ALDH1L1: variants seen among roughly 807,000 people sequenced by gnomAD.
ALDH1L1 encodes cytosolic 10-formyltetrahydrofolate dehydrogenase.
A neutral mutation model predicts 101.1 loss-of-function variants in ALDH1L1; 68 were observed. The ratio of observed to expected loss-of-function variants is 0.67; its 90% CI spans 0.55 to 0.82. The LOEUF (loss-of-function observed/expected upper bound fraction) is 0.82. ALDH1L1 is among the 40% of genes least tolerant of loss of function. The pLI is 0.00. For synonymous variants in ALDH1L1, 486 were observed against 470.8 expected (o/e 1.03, Z -0.42); for missense variants, 1,087 against 1,172.7 (o/e 0.93, Z 1.07).
chr3:126,156,805 AG>A (rs2080917325), intron 4 of ALDH1L1: 1 of 152,298 alleles, frequency 6.6e-6, no homozygotes, highest in African/African-American at 2.4e-5. Context: ...ATGACCCCCA[AG>A]CTGGCCAATC....
chr3:126,120,810 A>G (rs2080065599), intron 16 of ALDH1L1, among the ~76,000 whole-genome samples: 1 of 152,236 alleles, frequency 6.6e-6, no homozygotes, highest in Non-Finnish European at 1.5e-5. Flanking sequence ...AAAAATAACA[A>G]CACTCTCTTA....
chr3:126,167,279 G>A (rs749440576), intron 1 of ALDH1L1, among the ~76,000 whole-genome samples: 16 of 152,054 alleles, frequency 1.1e-4, no homozygotes, highest in African/African-American at 3.1e-4. Context: ...GCTTAGTGCC[G>A]CATATTTTTC....
Position 126,153,465 on chromosome 3 carries a change from G to A in ALDH1L1, c.837C>T (p.Leu279=), listed in dbSNP as rs2080846093. ...TTACCATTTTGTCATCATTCCCAAAGAGGATGAGTCCTGCTTTGGTGACCA... is the reference window on the plus strand; with the variant it reads ...TTACCATTTTGTCATCATTCCCAAAAAGGATGAGTCCTGCTTTGGTGACCA... The part of the protein sequence containing the change: ...PGVVTKAGLI[L]FGNDDKMLLV... The change falls in exon 7 of 23, where the codon CTC becomes CTT. Residue 279 remains leucine, a synonymous_variant. Transcript: ENST00000393434. The A allele has an allele frequency of 6.2e-7, 1 of 1,614,026 alleles. No individual in the cohort carries two copies.
chr3:126,196,368 T>C lies in ALDH1L1; in HGVS notation c.-24+1367A>G, dbSNP rs115696603. ...TCCATTTCCAATGCCTGGGATTCCA[T>C]GAAGAAAACAGCTTTTTTTTTTTTT... On this transcript the variant is annotated intron_variant, in intron 1 of 2. Transcript: ENST00000509952. 9.2e-3 allele frequency among the ~76,000 whole-genome samples: 1,316 copies of C among 143,192 alleles called. 21 individuals carry two copies. Among genetic ancestry groups the C allele is most frequent in the African/African-American group, 0.033 (1,242 of 38,140 alleles). The allele number at this position is 143,192 out of a possible 152,430, so 93.9% of individuals were successfully genotyped here.
chr3:126,144,084 A>G (rs1174738974), intron 9 of ALDH1L1, among the ~76,000 whole-genome samples: 2 of 152,222 alleles, frequency 1.3e-5, no homozygotes, highest in Non-Finnish European at 2.9e-5. Context: ...TGAACAATCC[A>G]AAAAGGAAAT....
upstream of ALDH1L1, chr3:126,181,334 C>G: frequency 5.2e-6 from 2 of 384,840 alleles, no homozygotes; most frequent in Non-Finnish European, 5.0e-6. Flanking sequence ...CCCACCACAC[C>G]TGCGGCCGCA....
At chr3:126,163,994 G>A (rs185084686) in intron 1 of ALDH1L1, among the ~76,000 whole-genome samples, 6 of 152,102 alleles carry the variant, frequency 3.9e-5, no homozygotes, top group Admixed American at 2.6e-4. Flanking sequence ...AGCTGGACAT[G>A]GTAGTACGTG....
chr3:126,154,110 C>G (rs575588166), intron 6 of ALDH1L1, among the ~76,000 whole-genome samples: 1 of 152,284 alleles, frequency 6.6e-6, no homozygotes, highest in South Asian at 2.1e-4. Flanking sequence ...CACACACAGT[C>G]CCGCCACCCC....
chr3:126,164,741 T>C (rs140966179), intron 1 of ALDH1L1, among the ~76,000 whole-genome samples: 2,963 of 152,342 alleles, frequency 0.019, 28 homozygotes, highest in Non-Finnish European at 0.028. Context: ...TACCCAGTAA[T>C]GGGATTGCTG....
intron 1 of ALDH1L1, among the ~76,000 whole-genome samples, chr3:126,162,478 C>G (rs1342540323): frequency 1.3e-5 from 2 of 152,100 alleles, no homozygotes; most frequent in Non-Finnish European, 2.9e-5. Flanking sequence ...TTGTGGGAAT[C>G]ATCTCTTCAA....
intron 1 of ALDH1L1, among the ~76,000 whole-genome samples, chr3:126,162,108 T>C (rs1251254259): frequency 1.3e-5 from 2 of 152,232 alleles, no homozygotes; most frequent in African/African-American, 4.8e-5. Flanking sequence ...CATTTATTCA[T>C]TCTATTGTTA....
At chr3:126,146,467 G>T (rs1053111828) in intron 9 of ALDH1L1, among the ~76,000 whole-genome samples, 1 of 152,180 alleles carries the variant, frequency 6.6e-6, no homozygotes, top group African/African-American at 2.4e-5. Context: ...TATGGTGTTG[G>T]TTTAAATCTC....
intron 1 of ALDH1L1, among the ~76,000 whole-genome samples, chr3:126,170,630 C>G (rs578069601): frequency 2.6e-5 from 4 of 152,144 alleles, no homozygotes; most frequent in African/African-American, 9.6e-5. Context: ...GACCAAAAAA[C>G]TCTCCACCCC....
chr3:126,116,312 G>A (rs1422459741), intron 17 of ALDH1L1, among the ~76,000 whole-genome samples: 5 of 151,376 alleles, frequency 3.3e-5, no homozygotes, highest in South Asian at 2.1e-4. Context: ...GCGTGATCTC[G>A]GCTCATTTAG....
At chr3:126,134,656 C>T (rs1263656800) in intron 12 of ALDH1L1, among the ~76,000 whole-genome samples, 1 of 152,226 alleles carries the variant, frequency 6.6e-6, no homozygotes, top group African/African-American at 2.4e-5. Context: ...GCTGGGCTGC[C>T]CCGGCTTTTC....
chr3:126,174,428 A>C (rs547990058), intron 1 of ALDH1L1, among the ~76,000 whole-genome samples: 1 of 152,234 alleles, frequency 6.6e-6, no homozygotes, highest in African/African-American at 2.4e-5. Flanking sequence ...TTTAGAGAAT[A>C]CTTCACCCAA....
In ALDH1L1 at chr3:126,158,613, G is replaced by A; in HGVS notation, c.154C>T (p.Pro52Ser). 6.2e-7 allele frequency: 1 copy of A among 1,613,364 alleles called. No homozygotes were observed. Among genetic ancestry groups the A allele is most frequent in the Non-Finnish European group, 8.5e-7 (1 of 1,179,340 alleles). Residue 52 changes from proline to serine, a missense_variant, in exon 3 of 23, where the codon CCG (proline) becomes TCG (serine). Pro to Ser is a moderately conservative substitution (Grantham distance 74). Transcript: ENST00000393434. Reference protein sequence around the residue: ...LGLEAEKDGVPVFKYSRWRAK... With the variant: ...LGLEAEKDGVSVFKYSRWRAK... ...CGCCACCGGGAGTACTTGAATACCG[G>A]CACTCCATCCTTCTCAGCTTCCAGA...
intron 1 of ALDH1L1, chr3:126,179,685 A>G (rs965808388): frequency 2.6e-5 from 4 of 152,276 alleles, no homozygotes; most frequent in African/African-American, 9.6e-5. Flanking sequence ...GTCAAGGAGA[A>G]GTGGAGGCGT....
chr3:126,158,887 C>G (rs940339569), intron 2 of ALDH1L1, among the ~76,000 whole-genome samples: 10 of 152,190 alleles, frequency 6.6e-5, no homozygotes, highest in African/African-American at 1.9e-4. Flanking sequence ...TCTTCCAGAA[C>G]CCAGATGGCT....
Sources: allele counts gnomAD v4.1 joint callset (sites outside exome capture counted in the v4.1 genomes callset), GRCh38; gene constraint gnomAD v4.1.1; transcripts MANE v1.5; gene names NCBI Gene and HGNC (gene_info 2026-07-23, HGNC 2026-07-21).